FBXL20: variants seen among roughly 807,000 people sequenced by gnomAD.
The protein encoded by FBXL20 is F-box/LRR-repeat protein 20.
Under a neutral mutation model 64.0 loss-of-function variants are expected in FBXL20, and 11 were observed. That is an observed-to-expected ratio of 0.17 (90% confidence interval 0.11 to 0.28). The LOEUF is 0.28. Ranked by LOEUF, FBXL20 falls within the 10% of genes least tolerant of loss-of-function variation. The pLI, the probability that FBXL20 is intolerant of heterozygous loss-of-function variation, is 1.00. For missense variants in FBXL20, 303 were observed against 526.2 expected (o/e 0.58, Z 4.15); for synonymous variants, 184 against 189.0 (o/e 0.97, Z 0.22).
intron 2 of FBXL20, among the ~76,000 whole-genome samples, chr17:39,323,295 A>AG (rs2047375976): frequency 6.6e-6 from 1 of 152,110 alleles, no homozygotes; most frequent in Non-Finnish European, 1.5e-5. Context: ...ACAGCTTTCC[A>AG]GAAAAAGCCA....
intron 6 of FBXL20, among the ~76,000 whole-genome samples, chr17:39,289,121 T>C (rs965937583): frequency 6.6e-6 from 1 of 152,206 alleles, no homozygotes; most frequent in African/African-American, 2.4e-5. Context: ...GATATGTTTA[T>C]GCTTATAGCA....
rs1305623822 is a variant in FBXL20 at position 39,260,915 on chromosome 17, T to C, written c.*545A>G. On this transcript the variant is annotated 3_prime_UTR_variant, in exon 15 of 15. Transcript: ENST00000264658. ...ACAGGAGGAATGGACGAGCCTTCTT[T>C]GTGAGCATGCTCAGCATGTTGGCAT... 6.4e-6 allele frequency: 1 copy of C among 155,964 alleles called. No homozygotes were observed. Among genetic ancestry groups the C allele is most frequent in the Admixed American group, 6.2e-5 (1 of 16,022 alleles). The allele number at this position is 155,964 out of a possible 1,614,324, so 9.7% of individuals were successfully genotyped here.
intron 1 of FBXL20, among the ~76,000 whole-genome samples, chr17:39,354,325 A>G (rs1363298160): frequency 6.6e-6 from 1 of 152,204 alleles, no homozygotes; most frequent in African/African-American, 2.4e-5. Context: ...TCTTTAGAGT[A>G]CCTGTGCAAT....
At chr17:39,342,665 T>C (rs1020439719) in intron 2 of FBXL20, among the ~76,000 whole-genome samples, 6 of 151,818 alleles carry the variant, frequency 4.0e-5, no homozygotes, top group Non-Finnish European at 7.4e-5. Flanking sequence ...TGCAGTGAGC[T>C]GAGATTGCGC....
chr17:39,290,526 T>C (rs1173371624), intron 6 of FBXL20, among the ~76,000 whole-genome samples: 3 of 152,172 alleles, frequency 2.0e-5, no homozygotes, highest in African/African-American at 7.2e-5. Context: ...TTTTCACATA[T>C]ATACTTGATC....
rs558759792 is a variant in FBXL20 at position 39,257,279 on chromosome 17, A to C, written c.*4181T>G. The C allele has an allele frequency of 6.6e-5, 10 of 152,200 alleles. No homozygotes were observed. The highest frequency in any genetic ancestry group is 1.5e-4 in the Non-Finnish European group (10 of 68,032). The allele number at this position is 152,200 out of a possible 1,614,324, so 9.4% of individuals were successfully genotyped here. ...TTTACAAGGCAATTAGAAGTAATAA[A>C]AGAATGTCGCTACTAAAACATTATG... is the stretch of plus-strand genomic sequence containing the variant. On this transcript the variant is annotated 3_prime_UTR_variant, in exon 15 of 15. Coordinates refer to ENST00000264658, the MANE Select transcript of FBXL20 (RefSeq NM_032875.3).
chr17:39,358,972 T>C (rs945102914), intron 1 of FBXL20, among the ~76,000 whole-genome samples: 2 of 152,150 alleles, frequency 1.3e-5, no homozygotes, highest in African/African-American at 4.8e-5. Context: ...ACATCACTAA[T>C]CATTAGAAAA....
intron 2 of FBXL20, among the ~76,000 whole-genome samples, chr17:39,324,480 G>A (rs1191906569): frequency 6.6e-6 from 1 of 151,990 alleles, no homozygotes; most frequent in Non-Finnish European, 1.5e-5. Context: ...GGTAGAGACA[G>A]GGTTTCACCA....
At chr17:39,331,154 A>G (rs1255782339) in intron 2 of FBXL20, among the ~76,000 whole-genome samples, 1 of 152,164 alleles carries the variant, frequency 6.6e-6, no homozygotes, top group Non-Finnish European at 1.5e-5. Flanking sequence ...CGCCCAGGCT[A>G]GAGTACAGTG....
chr17:39,373,506 G>C (rs2047937857), intron 1 of FBXL20, among the ~76,000 whole-genome samples: 1 of 152,044 alleles, frequency 6.6e-6, no homozygotes, highest in Non-Finnish European at 1.5e-5. Flanking sequence ...TTCCAACCTG[G>C]TTTCTTTTAA....
At chr17:39,266,278 G>A (rs2046791873) in intron 12 of FBXL20, among the ~76,000 whole-genome samples, 1 of 149,678 alleles carries the variant, frequency 6.7e-6, no homozygotes, top group African/African-American at 2.5e-5. Flanking sequence ...GGAGTGTGGT[G>A]GCACGATCTC....
intron 2 of FBXL20, among the ~76,000 whole-genome samples, chr17:39,322,276 A>G (rs2047364386): frequency 6.6e-6 from 1 of 152,156 alleles, no homozygotes; most frequent in African/African-American, 2.4e-5. Context: ...CTTTGAGACT[A>G]ACAGACTAAA....
chr17:39,269,561 C>T (rs1470451040), intron 11 of FBXL20, among the ~76,000 whole-genome samples: 6 of 133,228 alleles, frequency 4.5e-5, no homozygotes, highest in South Asian at 2.4e-4. Flanking sequence ...TGCAATGGCA[C>T]GATCTCAGCT....
At chr17:39,360,431 TCA>T (rs1278945194) in intron 1 of FBXL20, among the ~76,000 whole-genome samples, 1 of 152,202 alleles carries the variant, frequency 6.6e-6, no homozygotes, top group Admixed American at 6.5e-5. Flanking sequence ...AAAACAAATT[TCA>T]CACTGTTGTC....
chr17:39,292,478 C>T (rs2047048507), intron 6 of FBXL20, among the ~76,000 whole-genome samples: 1 of 139,904 alleles, frequency 7.1e-6, no homozygotes, highest in African/African-American at 3.0e-5. Context: ...ACTGCAGTCT[C>T]TAACTCCTGG....
At chr17:39,382,810 G>A (rs1173245681) in intron 1 of FBXL20, among the ~76,000 whole-genome samples, 1 of 152,054 alleles carries the variant, frequency 6.6e-6, no homozygotes, top group South Asian at 2.1e-4. Flanking sequence ...CTGCACTCTA[G>A]CCTGGGTGAG....
chr17:39,265,512 C>T (rs2046782872), intron 12 of FBXL20, 59 bp from the exon 13 acceptor site: 2 of 1,337,922 alleles, frequency 1.5e-6, no homozygotes, highest in Non-Finnish European at 2.1e-6. Flanking sequence ...CTGAGTCATA[C>T]CTGATTCTTT....
At chr17:39,268,804 T>TA in intron 12 of FBXL20, 23 bp downstream of exon 12, 1 of 1,603,234 alleles carries the variant, frequency 6.2e-7, no homozygotes, top group East Asian at 2.2e-5. Context: ...ACTGTATTTC[T>TA]GAATTAAAAT....
intron 2 of FBXL20, among the ~76,000 whole-genome samples, chr17:39,323,154 A>T (rs1180417808): frequency 1.3e-5 from 2 of 151,984 alleles, no homozygotes; most frequent in Non-Finnish European, 2.9e-5. Context: ...TATTTTTAGT[A>T]GAGATGGGGT....
Sources: gnomAD v4.1 joint callset for allele counts (sites outside exome capture counted in the v4.1 genomes callset) on GRCh38, gnomAD v4.1.1 for gene constraint, MANE v1.5 for transcripts, NCBI Gene and HGNC (gene_info 2026-07-23, HGNC 2026-07-21) for gene names.